Variants in SLC4A4 observed in about 807,000 individuals in gnomAD.
SLC4A4 encodes the protein solute carrier family 4 member 4, also known as electrogenic sodium bicarbonate cotransporter 1.
SLC4A4 carries 27 observed loss-of-function variants against 111.5 expected under a neutral mutation model. The observed-to-expected ratio is 0.24, with a 90% CI of 0.18 to 0.33. The LOEUF (loss-of-function observed/expected upper bound fraction) is 0.33, where lower values mean the gene tolerates loss of function less well. Ranked by LOEUF, SLC4A4 falls within the 10% of genes least tolerant of loss-of-function variation. The pLI is 1.00. For missense variants in SLC4A4, 909 were observed against 1,315.5 expected, an observed-to-expected ratio of 0.69 and a Z score of 4.78; for synonymous variants, 443 against 463.4, an observed-to-expected ratio of 0.96 and a Z score of 0.57.
rs1737897839 is a variant in SLC4A4, at chr4:71,570,923, G to A, written c.*3172G>A. 6.6e-6 allele frequency: 1 copy of A among 152,184 alleles called. No individual in the cohort carries two copies. The highest frequency in any genetic ancestry group is 6.6e-5 in the Admixed American group (1 of 15,184). The allele number at this position is 152,184 out of a possible 1,614,324, so 9.4% of individuals were successfully genotyped here. ...CAATCAAGGTTGAGGAGTGGGGCTG[G>A]GGAGAGGACTTAACTGACTTAAGAA... On this transcript the variant is annotated 3_prime_UTR_variant, in exon 26 of 26. Transcript: ENST00000264485.
At chr4:71,115,867 A>T (rs1743229289) in intron 2 of SLC4A4, among the ~76,000 whole-genome samples, 1 of 152,172 alleles carries the variant, frequency 6.6e-6, no homozygotes, top group South Asian at 2.1e-4. Context: ...TTTAAAAAGT[A>T]TTTAACATAT....
chr4:71,069,104 CT>C (rs1160480271), intron 1 of SLC4A4, among the ~76,000 whole-genome samples: 4 of 152,168 alleles, frequency 2.6e-5, no homozygotes, highest in Admixed American at 6.5e-5. Context: ...TTCTCTTTTT[CT>C]TTCTTACTAA....
chr4:71,501,365 T>A (rs1730908935), intron 16 of SLC4A4, among the ~76,000 whole-genome samples: 1 of 152,008 alleles, frequency 6.6e-6, no homozygotes, highest in African/African-American at 2.4e-5. Context: ...TTATGTAAGA[T>A]CATGTTGTCT....
intron 1 of SLC4A4, among the ~76,000 whole-genome samples, chr4:71,077,469 T>C (rs1424194550): frequency 6.6e-6 from 1 of 152,196 alleles, no homozygotes; most frequent in African/African-American, 2.4e-5. Flanking sequence ...GCCCTGAGTA[T>C]GTACTTTTAA....
At chr4:71,259,710 G>A (rs1240596151) in intron 3 of SLC4A4, among the ~76,000 whole-genome samples, 1 of 152,066 alleles carries the variant, frequency 6.6e-6, no homozygotes, top group Non-Finnish European at 1.5e-5. Flanking sequence ...GGTGGTCCTG[G>A]CTGAGATAGG....
rs796529663 is a variant in SLC4A4, at chr4:71,539,282, A to AT, written c.2442+4904dup. On this transcript the variant is annotated intron_variant, in intron 18 of 25. Coordinates refer to ENST00000264485, the MANE Select transcript of SLC4A4 (RefSeq NM_001098484.3). ...TCCTTGCTTCATTCCAAAAGCCTTC[A>AT]TTTTTTTTTTAAATGCTATTCTTGT... Among the ~76,000 whole-genome samples, 75 of 149,192 alleles carry AT rather than the reference A, an allele frequency of 5.0e-4. 1 individual carries two copies. Among genetic ancestry groups the AT allele is most frequent in the South Asian group, 6.4e-4 (3 of 4,712 alleles).
intron 3 of SLC4A4, among the ~76,000 whole-genome samples, chr4:71,331,650 T>C (rs1728004432): frequency 6.7e-6 from 1 of 150,120 alleles, no homozygotes; most frequent in Middle Eastern, 3.5e-3. Context: ...TTAATGGGTA[T>C]AGCACACCAA....
intron 3 of SLC4A4, among the ~76,000 whole-genome samples, chr4:71,298,898 T>C (rs920926244): frequency 6.6e-6 from 1 of 152,196 alleles, no homozygotes; most frequent in Non-Finnish European, 1.5e-5. Flanking sequence ...ATTCTTTCCA[T>C]TGGAAACTCC....
intron 7 of SLC4A4, among the ~76,000 whole-genome samples, chr4:71,439,468 A>AG (rs1724498408): frequency 3.6e-5 from 5 of 138,426 alleles, no homozygotes; most frequent in Non-Finnish European, 6.4e-5. Flanking sequence ...AAAAAAAAAA[A>AG]AAAGAAAAGA....
intron 4 of SLC4A4, 50 bp from the exon 5 acceptor site, chr4:71,349,862 G>T (rs1334462882): frequency 6.3e-7 from 1 of 1,590,260 alleles, no homozygotes. Context: ...GCTATTTCTA[G>T]AGGAAGTTAG....
At chr4:71,205,558 TA>T (rs750220849) in intron 1 of SLC4A4, among the ~76,000 whole-genome samples, 3 of 152,180 alleles carry the variant, frequency 2.0e-5, no homozygotes, top group Non-Finnish European at 2.9e-5. Context: ...TATATATATT[TA>T]TTTTTTTCTG....
intron 20 of SLC4A4, among the ~76,000 whole-genome samples, chr4:71,554,139 T>G (rs1197593588): frequency 6.6e-6 from 1 of 151,880 alleles, no homozygotes; most frequent in Admixed American, 6.6e-5. Context: ...TGATAGAAAT[T>G]GTGCTTCACT....
intron 8 of SLC4A4, among the ~76,000 whole-genome samples, chr4:71,446,439 C>T (rs1159844232): frequency 1.3e-5 from 2 of 152,132 alleles, no homozygotes; most frequent in Admixed American, 6.5e-5. Context: ...TTTTGGACTT[C>T]TGTTAAATCA....
upstream of SLC4A4, among the ~76,000 whole-genome samples, chr4:71,182,742 A>ACT (rs1045495487): frequency 0.027 from 3,500 of 128,430 alleles, 134 homozygotes; most frequent in African/African-American, 0.1. Context: ...ACACACACAC[A>ACT]CTCTCTCTCA....
intron 11 of SLC4A4, among the ~76,000 whole-genome samples, chr4:71,451,787 G>C (rs1725786956): frequency 6.6e-6 from 1 of 152,022 alleles, no homozygotes; most frequent in South Asian, 2.1e-4. Context: ...AATGACTGAG[G>C]GTGTGTTAGG....
chr4:71,332,648 G>A (rs183224326), intron 3 of SLC4A4, among the ~76,000 whole-genome samples: 1,624 of 152,096 alleles, frequency 0.011, 18 homozygotes, highest in Non-Finnish European at 0.016. Context: ...GTTTCACTGT[G>A]GTCTCGATCT....
At chr4:71,105,136 CAGAG>C (rs1325119922) in intron 2 of SLC4A4, among the ~76,000 whole-genome samples, 15 of 141,584 alleles carry the variant, frequency 1.1e-4, no homozygotes, top group Non-Finnish European at 2.1e-4. Context: ...AACAGACAGA[CAGAG>C]AGCCAAATCA....
chr4:71,390,542 T>A (rs1277201165), intron 6 of SLC4A4, among the ~76,000 whole-genome samples: 1 of 152,128 alleles, frequency 6.6e-6, no homozygotes, highest in Non-Finnish European at 1.5e-5. Context: ...AGTGGCTAAG[T>A]TCAATATTTC....
At chr4:71,069,334 C>G (rs1023577265) in intron 1 of SLC4A4, among the ~76,000 whole-genome samples, 22 of 152,120 alleles carry the variant, frequency 1.4e-4, no homozygotes, top group African/African-American at 5.3e-4. Context: ...AAGGTACATT[C>G]TCAATCTTGT....
Sources: gnomAD v4.1 joint callset for allele counts (sites outside exome capture counted in the v4.1 genomes callset) on GRCh38, gnomAD v4.1.1 for gene constraint, MANE v1.5 for transcripts, NCBI Gene and HGNC (gene_info 2026-07-23, HGNC 2026-07-21) for gene names.